The following CECR2 variants were observed in gnomAD, a reference collection of about 807,000 sequenced individuals.
CECR2 encodes the protein chromatin remodeling regulator CECR2.
Under a neutral mutation model 154.5 loss-of-function variants are expected in CECR2, and 30 were observed. That is an observed-to-expected ratio of 0.19 (90% confidence interval 0.15 to 0.26). The LOEUF (loss-of-function observed/expected upper bound fraction) is 0.26. CECR2 is among the 10% of genes least tolerant of loss of function. The pLI is 1.00. For missense variants in CECR2, 1,743 were observed against 1,829.3 expected, an observed-to-expected ratio of 0.95 and a Z score of 0.86; for synonymous variants, 725 against 683.7, an observed-to-expected ratio of 1.06 and a Z score of -0.94.
At chr22:17,491,332 G>A (rs1271110855) in intron 2 of CECR2, among the ~76,000 whole-genome samples, 2 of 152,090 alleles carry the variant, frequency 1.3e-5, no homozygotes, top group Non-Finnish European at 2.9e-5. Flanking sequence ...AGGATTCCGT[G>A]TCTCTGCATC....
intron 8 of CECR2, among the ~76,000 whole-genome samples, chr22:17,513,567 T>A (rs2055998924): frequency 6.6e-6 from 1 of 152,248 alleles, no homozygotes; most frequent in Non-Finnish European, 1.5e-5. Context: ...CTCAGAGATG[T>A]GTCTTGCCCG....
rs193020290 is a variant in CECR2 at position 17,375,604 on chromosome 22, G to A, written c.126+5695G>A. Reference sequence around the variant, plus strand: ...CCATGGTGAGGTGTAGATTGTTGCTGTTTAAAACAGGGTGATTAGTAGGGC... The same window carrying A: ...CCATGGTGAGGTGTAGATTGTTGCTATTTAAAACAGGGTGATTAGTAGGGC... On this transcript the variant is annotated intron_variant, in intron 1 of 18. Transcript: ENST00000262608. Among the ~76,000 whole-genome samples the A allele has an allele frequency of 3.9e-4, 60 of 152,242 alleles. No homozygotes were observed. The East Asian group carries it at 0.011, about 28-fold the overall frequency.
chr22:17,551,136 G>A (rs1432662550), intron 17 of CECR2, among the ~76,000 whole-genome samples: 1 of 152,146 alleles, frequency 6.6e-6, no homozygotes, highest in African/African-American at 2.4e-5. Flanking sequence ...CTGTTGGAAA[G>A]TAAATTGTAG....
intron 1 of CECR2, among the ~76,000 whole-genome samples, chr22:17,464,942 G>A (rs2055003189): frequency 6.6e-6 from 1 of 151,640 alleles, no homozygotes; most frequent in Admixed American, 6.6e-5. Context: ...TGACAGTTGG[G>A]TATTTGACCT....
chr22:17,450,699 C>T (rs902467600), intron 1 of CECR2, among the ~76,000 whole-genome samples: 2 of 152,210 alleles, frequency 1.3e-5, no homozygotes, highest in African/African-American at 4.8e-5. Context: ...TAGTACATTA[C>T]TCCATCAGTC....
chr22:17,392,236 C>G (rs2063333366), intron 1 of CECR2, among the ~76,000 whole-genome samples: 1 of 152,066 alleles, frequency 6.6e-6, no homozygotes, highest in Admixed American at 6.6e-5. Context: ...AGCCTGGGAA[C>G]ATAGTAAGAC....
intron 1 of CECR2, among the ~76,000 whole-genome samples, chr22:17,441,936 T>G (rs1372753089): frequency 6.6e-6 from 1 of 152,220 alleles, no homozygotes; most frequent in East Asian, 1.9e-4. Flanking sequence ...CTTACAATTT[T>G]TGTCTCTCAC....
intron 1 of CECR2, among the ~76,000 whole-genome samples, chr22:17,447,048 T>TTTTGTTTTTTG (rs2146685160): frequency 6.8e-6 from 1 of 146,388 alleles, no homozygotes; most frequent in South Asian, 2.3e-4. Flanking sequence ...TTTTTTTTTT[T>TTTTGTTTTTTG]TTTTGAGACA....
intron 2 of CECR2, among the ~76,000 whole-genome samples, chr22:17,486,562 G>A (rs961744071): frequency 1.3e-5 from 2 of 152,176 alleles, no homozygotes; most frequent in Admixed American, 6.5e-5. Flanking sequence ...CTGGGAACGC[G>A]GGTGGCCTTG....
At chr22:17,551,717 G>A (rs879276179) in intron 17 of CECR2, among the ~76,000 whole-genome samples, 15 of 152,112 alleles carry the variant, frequency 9.9e-5, no homozygotes, top group South Asian at 4.1e-4. Flanking sequence ...AGGAGCACTT[G>A]AGCCCAGAAG....
intron 18 of CECR2, among the ~76,000 whole-genome samples, chr22:17,552,427 C>G (rs921835865): frequency 1.3e-5 from 2 of 152,144 alleles, no homozygotes; most frequent in Admixed American, 1.3e-4. Context: ...GCCATGATCC[C>G]TTGTCTGTTT....
intron 1 of CECR2, among the ~76,000 whole-genome samples, chr22:17,441,494 GA>G (rs2054584370): frequency 6.6e-6 from 1 of 152,206 alleles, no homozygotes; most frequent in African/African-American, 2.4e-5. Context: ...GATTTGTATA[GA>G]ATAGTGCGTC....
intron 1 of CECR2, among the ~76,000 whole-genome samples, chr22:17,408,995 A>T (rs5747109): frequency 0.54 from 82,528 of 152,078 alleles, 22,844 homozygotes; most frequent in African/African-American, 0.61. Flanking sequence ...TCTGAACTCC[A>T]TAGGGCCTTT....
rs1462558856 is a variant in CECR2, at chr22:17,507,616, T to G, written c.870+2600T>G. On this transcript the variant is annotated intron_variant, in intron 7 of 18. Coordinates refer to ENST00000262608, the MANE Select transcript of CECR2 (RefSeq NM_001290047.2). ...TAGAAGAATTAAGGGGAAAAAAAAC[T>G]TAAAGCATAAAACTGATGATTTTGA... 2.0e-5 allele frequency among the ~76,000 whole-genome samples: 3 copies of G among 152,266 alleles called. No homozygotes were observed. The East Asian group carries it at 5.8e-4, about 29-fold the overall frequency.
intron 1 of CECR2, among the ~76,000 whole-genome samples, chr22:17,471,821 C>T (rs2055132350): frequency 6.6e-6 from 1 of 152,156 alleles, no homozygotes; most frequent in African/African-American, 2.4e-5. Flanking sequence ...AGGTGTGAGC[C>T]ACCACGCCTG....
At position 17,384,271 on chromosome 22, in the gene CECR2, A is replaced by T. The variant is rs79669569; in HGVS notation, c.126+14362A>T. 8.3e-3 allele frequency among the ~76,000 whole-genome samples: 1,259 copies of T among 152,206 alleles called. 56 individuals are homozygous for T. In the East Asian group the frequency reaches 0.14, roughly 17 times the overall value. On this transcript the variant is annotated intron_variant, in intron 1 of 18. Coordinates refer to ENST00000262608, the MANE Select transcript of CECR2 (RefSeq NM_001290047.2). ...TGTATTTATTTTATTTTTTGTAGAG[A>T]TGGGGTCTCGCTGTGTTGCCCAGAC...
Position 17,377,882 on chromosome 22 carries a change from C to T in CECR2, c.126+7973C>T, listed in dbSNP as rs5747080. 0.012 allele frequency among the ~76,000 whole-genome samples: 1,895 copies of T among 152,264 alleles called. 142 individuals carry two copies. In the East Asian group the frequency reaches 0.21, roughly 17 times the overall value. ...GTAAGAGTGAGCTCCAGATTGTGTT[C>T]CTTTAATCCTCTGGGTTTCTCAGCC... On this transcript the variant is annotated intron_variant, in intron 1 of 18. Transcript: ENST00000262608.
chr22:17,408,926 C>A (rs1353380105), intron 1 of CECR2, among the ~76,000 whole-genome samples: 2 of 152,142 alleles, frequency 1.3e-5, no homozygotes, highest in African/African-American at 4.8e-5. Context: ...ACCTTCCTTA[C>A]CTCGTACCAT....
intron 1 of CECR2, among the ~76,000 whole-genome samples, chr22:17,403,709 A>T (rs1441655931): frequency 6.6e-6 from 1 of 152,152 alleles, no homozygotes; most frequent in Non-Finnish European, 1.5e-5. Flanking sequence ...TCTTCTAGTT[A>T]AGGTATTCTG....
Sources: gnomAD v4.1 joint callset for allele counts (sites outside exome capture counted in the v4.1 genomes callset) on GRCh38, gnomAD v4.1.1 for gene constraint, MANE v1.5 for transcripts, NCBI Gene and HGNC (gene_info 2026-07-23, HGNC 2026-07-21) for gene names.